AKAP9: variants seen among roughly 807,000 people sequenced by gnomAD.
AKAP9 encodes A-kinase anchor protein 9.
In AKAP9, 311 loss-of-function variants were observed where a neutral mutation model predicts 488.5. The observed-to-expected ratio is 0.64, with a 90% CI of 0.58 to 0.70. The LOEUF (loss-of-function observed/expected upper bound fraction) is 0.70, where lower values mean the gene tolerates loss of function less well. Ranked by LOEUF, AKAP9 falls within the 30% of genes least tolerant of loss-of-function variation. AKAP9 has a pLI of 0.00. For missense variants in AKAP9, 4,215 were observed against 4,374.5 expected, an observed-to-expected ratio of 0.96 and a Z score of 1.03; for synonymous variants, 1,462 against 1,483.5, an observed-to-expected ratio of 0.99 and a Z score of 0.33.
chr7:92,079,148 G>C lies in AKAP9; in HGVS notation c.7015G>C (p.Glu2339Gln). The C allele has an allele frequency of 6.2e-7, 1 of 1,613,794 alleles. No homozygotes were observed. ...AATAGAATGTTTGATGAGTGATCAA[G>C]AATGTGTGAAGAGAAATAGAGAAGA... ...TQIECLMSDQECVKRNREEEI... is the reference protein window; with the variant it reads ...TQIECLMSDQQCVKRNREEEI... The change falls in exon 31 of 50, where the codon GAA becomes CAA. Residue 2339 changes from glutamate (E) to glutamine (Q), a missense_variant. By Grantham distance (29) the Glu-to-Gln change is conservative. Around this residue, in one of 5 missense-constraint regions of AKAP9, gnomAD observed 1,476 missense variants for 1,477.4 expected, o/e 1.00. Coordinates refer to ENST00000356239, the MANE Select transcript of AKAP9 (RefSeq NM_005751.5).
intron 1 of AKAP9, among the ~76,000 whole-genome samples, chr7:91,961,064 A>G (rs1793672362): frequency 6.6e-6 from 1 of 152,212 alleles, no homozygotes; most frequent in Non-Finnish European, 1.5e-5. Flanking sequence ...ATTTTGACAC[A>G]TGTCTAGCAC....
intron 46 of AKAP9, 146 bp from the exon 47 acceptor site, chr7:92,105,532 A>G (rs1818370273): frequency 2.8e-6 from 2 of 706,434 alleles, no homozygotes; most frequent in East Asian, 5.4e-5. Context: ...TTTTGTCACA[A>G]CAGGCATTGA....
At chr7:91,944,638 C>G (rs745877388) in intron 1 of AKAP9, among the ~76,000 whole-genome samples, 1 of 152,128 alleles carries the variant, frequency 6.6e-6, no homozygotes, top group Non-Finnish European at 1.5e-5. Flanking sequence ...CTGCCTGCCT[C>G]GACCTCCCAA....
At chr7:91,978,545 T>G (rs1795991915) in intron 2 of AKAP9, among the ~76,000 whole-genome samples, 1 of 152,176 alleles carries the variant, frequency 6.6e-6, no homozygotes, top group Non-Finnish European at 1.5e-5. Flanking sequence ...CTACTTCTTT[T>G]AGGGAAGCTT....
chr7:91,948,408 A>C (rs980341203), intron 1 of AKAP9, among the ~76,000 whole-genome samples: 2 of 152,050 alleles, frequency 1.3e-5, no homozygotes, highest in Admixed American at 6.6e-5. Flanking sequence ...TGTATAGGAC[A>C]TTCCAATTTT....
At chr7:92,080,599 CAAA>C (rs34870789) in intron 31 of AKAP9, among the ~76,000 whole-genome samples, 1 of 142,278 alleles carries the variant, frequency 7.0e-6, no homozygotes, top group East Asian at 2.1e-4. Context: ...GACTCCATCT[CAAA>C]AAAAAAAAAG....
rs376104138 is a variant in AKAP9, at chr7:92,007,653, C to T, written c.3318+4418C>T. ...GGTTATCTCTAGATTAATCTGTAAT[C>T]CTTATGTAGTTCCATTCCAACTCAC... On this transcript the variant is annotated intron_variant, in intron 8 of 49. Coordinates refer to ENST00000356239, the MANE Select transcript of AKAP9 (RefSeq NM_005751.5). Among the ~76,000 whole-genome samples the T allele has an allele frequency of 2.6e-5, 4 of 152,234 alleles. 1 individual carries two copies.
At chr7:92,054,019 T>A (rs191179884) in intron 22 of AKAP9, among the ~76,000 whole-genome samples, 1 of 152,318 alleles carries the variant, frequency 6.6e-6, no homozygotes, top group East Asian at 1.9e-4. Flanking sequence ...AAACTAGTTG[T>A]TGGCATTAGG....
chr7:92,078,852 A>G (rs1813048757), intron 30 of AKAP9, among the ~76,000 whole-genome samples: 1 of 152,190 alleles, frequency 6.6e-6, no homozygotes, highest in African/African-American at 2.4e-5. Flanking sequence ...ATAGGGAATC[A>G]GCAACTAAAA....
intron 10 of AKAP9, 60 bp downstream of exon 10, chr7:92,014,388 C>A: frequency 7.9e-7 from 1 of 1,258,126 alleles, no homozygotes; most frequent in Non-Finnish European, 1.1e-6. Context: ...ATAATCCCAG[C>A]ACTTTGGGAG....
At chr7:92,063,407 C>T (rs1810220878) in intron 24 of AKAP9, 1 of 933,738 alleles carries the variant, frequency 1.1e-6, no homozygotes, top group South Asian at 4.9e-5. Context: ...AAGTAGAAGA[C>T]ATATAAATTA....
intron 31 of AKAP9, among the ~76,000 whole-genome samples, chr7:92,082,219 G>A (rs1281209574): frequency 6.6e-6 from 1 of 152,176 alleles, no homozygotes; most frequent in South Asian, 2.1e-4. Context: ...ACAGGCGTGA[G>A]CCACCGTGCC....
In AKAP9 at chr7:92,102,642, A is replaced by G; in HGVS notation, c.11146A>G (p.Ile3716Val). The G allele has an allele frequency of 1.2e-6, 2 of 1,614,236 alleles. No individual in the cohort carries two copies. The highest frequency in any genetic ancestry group is 8.5e-7 in the Non-Finnish European group (1 of 1,180,042). ...LRAESFRKAL[I>V]YQKKYLLLLL... ...GGCAGAAAGTTTTCGAAAGGCTCTC[A>G]TTTACCAGAAGAAATACCTGCTGCT... The change falls in exon 46 of 50, where the codon ATT (isoleucine) becomes GTT (valine). Residue 3716 changes from isoleucine (I) to valine (V), a missense_variant. Around this residue, in one of 5 missense-constraint regions of AKAP9, gnomAD observed 253 missense variants for 266.8 expected, o/e 0.95. Transcript: ENST00000356239.
intron 21 of AKAP9, 142 bp from the exon 22 acceptor site, chr7:92,052,584 T>C (rs1359554037): frequency 3.4e-6 from 2 of 590,092 alleles, no homozygotes; most frequent in African/African-American, 3.7e-5. Context: ...TATATTTGCA[T>C]ATTTTATTTG....
Position 92,083,176 on chromosome 7 carries a change from G to C in AKAP9, c.8167G>C (p.Glu2723Gln), listed in dbSNP as rs756658669. ...TCTATTCATTACGTTTTAGGTAAAA[G>C]AAACAAATATGACATCTCTTCAGAA... ...EKLQEELLVK[E>Q]TNMTSLQKDL... The change falls in exon 33 of 50, where the codon GAA becomes CAA. Residue 2723 changes from glutamate to glutamine, a missense_variant. Glu to Gln is a conservative substitution (Grantham distance 29, BLOSUM62 2). Around this residue, in one of 5 missense-constraint regions of AKAP9, gnomAD observed 1,476 missense variants for 1,477.4 expected, o/e 1.00. Coordinates refer to ENST00000356239, the MANE Select transcript of AKAP9 (RefSeq NM_005751.5). 1.9e-6 allele frequency: 3 copies of C among 1,613,734 alleles called. No individual in the cohort carries two copies. The highest frequency in any genetic ancestry group is 2.5e-6 in the Non-Finnish European group (3 of 1,179,922).
At position 92,083,689 on chromosome 7, in the gene AKAP9, T is replaced by C. The variant is rs762336772; in HGVS notation, c.8646+34T>C. ...TTTTTATAATATGTGTTTTTCAACA[T>C]TGTGTGGTTTTTTAAAAAAAAAAAA... On this transcript the variant is annotated intron_variant, in intron 33 of 49. Coordinates refer to ENST00000356239, the MANE Select transcript of AKAP9 (RefSeq NM_005751.5). The C allele has an allele frequency of 4.4e-6, 7 of 1,586,708 alleles. No individual in the cohort carries two copies. In the African/African-American group the frequency reaches 5.8e-5, roughly 13 times the overall value.
Position 92,108,633 on chromosome 7 carries a change from G to T in AKAP9, c.11686G>T (p.Gly3896Cys), listed in dbSNP as rs759598006. The part of the protein sequence containing the change: ...LQRRLGTIQS[G>C]STTQFHAGMR... The stretch of plus-strand genomic sequence containing the variant: ...AAGACGACTTGGAACTATACAGTCA[G>T]GTGCTCTGAGTTTAACCACATCTTG... Residue 3896 changes from glycine to cysteine, a missense_variant and splice_region_variant, in exon 49 of 50, where the codon GGT becomes TGT. Physicochemically the swap from Gly to Cys is radical, Grantham distance 159. Coordinates refer to ENST00000356239, the MANE Select transcript of AKAP9 (RefSeq NM_005751.5). 6.2e-7 allele frequency: 1 copy of T among 1,614,144 alleles called. No individual in the cohort carries two copies. The highest frequency in any genetic ancestry group is 1.3e-5 in the African/African-American group (1 of 75,038).
chr7:92,034,464 A>G (rs1804819750), intron 16 of AKAP9, among the ~76,000 whole-genome samples: 1 of 135,158 alleles, frequency 7.4e-6, no homozygotes, highest in Non-Finnish European at 1.6e-5. Context: ...GTAGAGTTGT[A>G]TTGTAGTGTA....
In AKAP9 at chr7:92,079,170, A is replaced by G. The variant is rs1321437903; in HGVS notation, c.7037A>G (p.Glu2346Gly). 1 of 1,613,978 alleles carries G rather than the reference A, an allele frequency of 6.2e-7. No homozygotes were observed. Among genetic ancestry groups the G allele is most frequent in the African/African-American group, 1.3e-5 (1 of 75,050 alleles). The change falls in exon 31 of 50, where the codon GAA becomes GGA. Residue 2346 changes from glutamate (E) to glycine (G), a missense_variant. This residue lies in a region of AKAP9 where 1,476 missense variants were observed against 1,477.4 expected (regional missense o/e 1.00). Coordinates refer to ENST00000356239, the MANE Select transcript of AKAP9 (RefSeq NM_005751.5). ...SDQECVKRNR[E>G]EEIEQLNEVI... ...CAAGAATGTGTGAAGAGAAATAGAG[A>G]AGAAGAAATAGAGCAGCTCAATGAA... is the stretch of plus-strand genomic sequence containing the variant.
Sources: allele counts gnomAD v4.1 joint callset (sites outside exome capture counted in the v4.1 genomes callset), GRCh38; gene constraint gnomAD v4.1.1; regional missense constraint gnomAD v4.1.1; transcripts MANE v1.5; gene names NCBI Gene and HGNC (gene_info 2026-07-23, HGNC 2026-07-21).